ANK2: variants seen among roughly 807,000 people sequenced by gnomAD.
ANK2 encodes the protein ankyrin 2.
ANK2 carries 83 observed loss-of-function variants against 360.5 expected under a neutral mutation model. The ratio of observed to expected loss-of-function variants is 0.23; its 90% CI spans 0.19 to 0.28. The LOEUF is 0.28. ANK2 is among the 10% of genes least tolerant of loss of function. The pLI is 1.00. For missense variants in ANK2, 4,201 were observed against 4,795.7 expected, an observed-to-expected ratio of 0.88 and a Z score of 3.66; for synonymous variants, 1,740 against 1,759.5, an observed-to-expected ratio of 0.99 and a Z score of 0.28.
In ANK2 at chr4:113,292,504, C is replaced by A. The variant is rs1474018346; in HGVS notation, c.2366C>A (p.Ala789Asp). The part of the protein sequence containing the change: ...VLLQHGAKPN[A>D]TTANGNTALA... Reference sequence around the variant, plus strand: ...CTCCAGCATGGGGCCAAGCCCAACGCCACCACTGCGGTAAGGCAGACGCCA... The same window carrying A: ...CTCCAGCATGGGGCCAAGCCCAACGACACCACTGCGGTAAGGCAGACGCCA... Residue 789 changes from alanine to aspartate, a missense_variant, in exon 21 of 46, where the codon GCC becomes GAC. Physicochemically the swap from Ala to Asp is moderately radical, Grantham distance 126. Coordinates refer to ENST00000357077, the MANE Select transcript of ANK2 (RefSeq NM_001148.6). The A allele has an allele frequency of 1.9e-6, 3 of 1,609,444 alleles. No homozygotes were observed. In the South Asian group the frequency reaches 3.3e-5, roughly 18 times the overall value.
chr4:113,232,203 A>G lies in ANK2; in HGVS notation c.427A>G (p.Ile143Val). 1 of 1,608,400 alleles carries G rather than the reference A, an allele frequency of 6.2e-7. No homozygotes were observed. The highest frequency in any genetic ancestry group is 1.1e-5 in the South Asian group (1 of 90,962). The change falls in exon 5 of 46, where the codon ATT (isoleucine) becomes GTT (valine). Residue 143 changes from isoleucine (I) to valine (V), a missense_variant. Ile to Val is a conservative substitution (Grantham distance 29). This residue lies in a region of ANK2 where 169 missense variants were observed against 191.1 expected (regional missense o/e 0.88). Transcript: ENST00000357077. Reference protein sequence around the residue: ...PLYMAAQENHIDVVKYLLENG... With the variant: ...PLYMAAQENHVDVVKYLLENG... ...ATACATGGCTGCCCAAGAGAATCACATTGATGTTGTAAAATATTTGCTGGA... is the reference window on the plus strand; with the variant it reads ...ATACATGGCTGCCCAAGAGAATCACGTTGATGTTGTAAAATATTTGCTGGA...
At chr4:113,097,114 A>G (rs1313466204) in intron 1 of ANK2, among the ~76,000 whole-genome samples, 1 of 65,338 alleles carries the variant, frequency 1.5e-5, no homozygotes, top group Non-Finnish European at 2.9e-5. Context: ...TTTTTATATC[A>G]TTAGATTTTC....
intron 1 of ANK2, among the ~76,000 whole-genome samples, chr4:113,110,706 T>C (rs1157855471): frequency 6.6e-6 from 1 of 152,132 alleles, no homozygotes; most frequent in Non-Finnish European, 1.5e-5. Flanking sequence ...GGATTGTTTT[T>C]TGAGTGGCTG....
chr4:112,891,741 G>A (rs1580637096), intron 1 of ANK2, among the ~76,000 whole-genome samples: 1 of 152,104 alleles, frequency 6.6e-6, no homozygotes, highest in Non-Finnish European at 1.5e-5. Context: ...ATAGCATTAG[G>A]AAAGAGGAAA....
chr4:113,367,582 AG>A lies in ANK2; in HGVS notation c.11050del (p.Glu3684ArgfsTer91). 6.2e-7 allele frequency: 1 copy of A among 1,613,872 alleles called. No homozygotes were observed. The highest frequency in any genetic ancestry group is 8.5e-7 in the Non-Finnish European group (1 of 1,179,954). ...DHSEGFSVLQ[E>X]ELCTAQHKQK... ...TGCCTTTAGGGTTCTCGGTACTTCA[AG>A]AGGAGTTATGCACTGCACAGCACAA... On this transcript the variant is annotated frameshift_variant, in exon 42 of 46. Coordinates refer to ENST00000357077, the MANE Select transcript of ANK2 (RefSeq NM_001148.6). LOFTEE classifies it high-confidence loss of function.
At chr4:113,115,878 G>T (rs1395599688) in intron 1 of ANK2, among the ~76,000 whole-genome samples, 1 of 152,118 alleles carries the variant, frequency 6.6e-6, no homozygotes, top group African/African-American at 2.4e-5. Flanking sequence ...TACTATCAAT[G>T]ATTATAATAG....
At chr4:113,249,732 A>G (rs2045106283) in intron 9 of ANK2, 32 bp from the exon 10 acceptor site, 1 of 1,605,950 alleles carries the variant, frequency 6.2e-7, no homozygotes, top group Non-Finnish European at 8.5e-7. Flanking sequence ...TTTGAAGTGA[A>G]CTTGGGCCTA....
intron 2 of ANK2, among the ~76,000 whole-genome samples, chr4:112,984,228 G>C (rs2044093804): frequency 1.3e-5 from 2 of 152,196 alleles, no homozygotes; most frequent in South Asian, 4.1e-4. Context: ...AGAGGATCAG[G>C]AGGTTTGGTC....
At chr4:113,175,669 A>G (rs1202970459) in intron 2 of ANK2, among the ~76,000 whole-genome samples, 1 of 152,236 alleles carries the variant, frequency 6.6e-6, no homozygotes, top group Non-Finnish European at 1.5e-5. Context: ...AAATAAGATT[A>G]CAACACTTCC....
intron 23 of ANK2, among the ~76,000 whole-genome samples, chr4:113,303,892 A>T (rs568713846): frequency 1.2e-4 from 18 of 152,312 alleles, no homozygotes; most frequent in Admixed American, 3.9e-4. Context: ...AATATTAAAG[A>T]TGTTTCTTTA....
intron 1 of ANK2, among the ~76,000 whole-genome samples, chr4:112,843,278 G>T (rs534057658): frequency 1.3e-5 from 2 of 152,150 alleles, no homozygotes; most frequent in Non-Finnish European, 2.9e-5. Context: ...AAGATTTTGT[G>T]TACTAGAAAT....
chr4:112,867,508 A>C (rs2071096346), intron 1 of ANK2, among the ~76,000 whole-genome samples: 1 of 152,064 alleles, frequency 6.6e-6, no homozygotes, highest in Non-Finnish European at 1.5e-5. Context: ...ACTATCTATT[A>C]TGATTTTCAT....
intron 33 of ANK2, 102 bp from the exon 34 acceptor site, chr4:113,342,915 A>G: frequency 7.0e-7 from 1 of 1,422,918 alleles, no homozygotes. Context: ...TTGTATGTGT[A>G]TTATAAGAAT....
chr4:112,821,266 C>T (rs999146958), intron 1 of ANK2, among the ~76,000 whole-genome samples: 9 of 151,928 alleles, frequency 5.9e-5, no homozygotes, highest in Admixed American at 3.3e-4. Context: ...CAGGGCTGGT[C>T]TGGAACTCCT....
At chr4:113,110,049 C>G (rs761972821) in intron 1 of ANK2, among the ~76,000 whole-genome samples, 3 of 152,084 alleles carry the variant, frequency 2.0e-5, no homozygotes, top group Non-Finnish European at 4.4e-5. Context: ...GTTATTAGTC[C>G]GTTCTCATAC....
intron 2 of ANK2, among the ~76,000 whole-genome samples, chr4:112,944,679 G>C (rs1378402601): frequency 6.6e-6 from 1 of 152,026 alleles, no homozygotes; most frequent in Non-Finnish European, 1.5e-5. Context: ...TGATTCCAGG[G>C]TTAAAGTTTA....
chr4:113,339,851 T>A (rs1161248514), intron 32 of ANK2, among the ~76,000 whole-genome samples: 1 of 152,246 alleles, frequency 6.6e-6, no homozygotes, highest in Non-Finnish European at 1.5e-5. Flanking sequence ...ATTCCTTTGA[T>A]CTTTAATTGA....
intron 1 of ANK2, among the ~76,000 whole-genome samples, chr4:112,873,771 C>G (rs1441845088): frequency 1.3e-5 from 2 of 150,810 alleles, no homozygotes; most frequent in Non-Finnish European, 1.5e-5. Context: ...GTCTTGATCT[C>G]GACCTCGTGA....
chr4:113,336,402 TTA>T (rs2093537913), intron 30 of ANK2, 173 bp from the exon 31 acceptor site: 3 of 662,850 alleles, frequency 4.5e-6, no homozygotes, highest in Admixed American at 3.1e-5. Context: ...TTACAAAATT[TTA>T]TGAGTGCTTA....
Sources: allele counts gnomAD v4.1 joint callset (sites outside exome capture counted in the v4.1 genomes callset), GRCh38; gene constraint gnomAD v4.1.1; regional missense constraint gnomAD v4.1.1; transcripts MANE v1.5; gene names NCBI Gene and HGNC (gene_info 2026-07-23, HGNC 2026-07-21).